E2F6: variants seen among roughly 807,000 people sequenced by gnomAD.
E2F6 encodes the protein transcription factor E2F6.
A neutral mutation model predicts 31.5 loss-of-function variants in E2F6; 19 were observed. The ratio of observed to expected loss-of-function variants is 0.60; its 90% CI spans 0.42 to 0.89. The LOEUF is 0.89. E2F6 is among the 40% of genes least tolerant of loss of function. The pLI, the probability that E2F6 is intolerant of heterozygous loss-of-function variation, is 0.00. For missense variants in E2F6, 269 were observed against 341.6 expected (o/e 0.79, Z 1.67); for synonymous variants, 121 against 127.7 (o/e 0.95, Z 0.36).
At chr2:11,448,452 T>C (rs1670859829) in intron 5 of E2F6, among the ~76,000 whole-genome samples, 1 of 152,188 alleles carries the variant, frequency 6.6e-6, no homozygotes, top group South Asian at 2.1e-4. Context: ...TTAATGCAGT[T>C]AGGCCTGGGC....
intron 2 of E2F6, 112 bp from the exon 3 acceptor site, chr2:11,453,910 AC>A: frequency 1.1e-6 from 1 of 903,234 alleles, no homozygotes; most frequent in Non-Finnish European, 1.7e-6. Flanking sequence ...AGAAATGCCT[AC>A]ACATTGACCA....
intron 3 of E2F6, among the ~76,000 whole-genome samples, chr2:11,452,429 C>G (rs1204739769): frequency 6.6e-6 from 1 of 151,924 alleles, no homozygotes; most frequent in Non-Finnish European, 1.5e-5. Flanking sequence ...CATGGTGAAA[C>G]CCCGTCTCTA....
chr2:11,455,952 G>C (rs1366398351), intron 2 of E2F6, among the ~76,000 whole-genome samples: 1 of 152,254 alleles, frequency 6.6e-6, no homozygotes, highest in East Asian at 1.9e-4. Flanking sequence ...GAGGGTGAGG[G>C]GCTGAAGTGA....
At chr2:11,453,376 A>G (rs1671193709) in intron 3 of E2F6, among the ~76,000 whole-genome samples, 1 of 152,180 alleles carries the variant, frequency 6.6e-6, no homozygotes, top group Non-Finnish European at 1.5e-5. Flanking sequence ...CCCAATATCA[A>G]TAATCAATTG....
chr2:11,447,997 T>C (rs957298074), intron 5 of E2F6, among the ~76,000 whole-genome samples: 1 of 152,188 alleles, frequency 6.6e-6, no homozygotes, highest in African/African-American at 2.4e-5. Flanking sequence ...CCTGTCTTTT[T>C]CTACTCAGGA....
chr2:11,450,599 T>C (rs1671000288), intron 4 of E2F6, among the ~76,000 whole-genome samples: 1 of 152,182 alleles, frequency 6.6e-6, no homozygotes, highest in South Asian at 2.1e-4. Context: ...ATAAACGACT[T>C]AGAGATTAAG....
intron 2 of E2F6, among the ~76,000 whole-genome samples, chr2:11,455,120 T>C (rs1671326912): frequency 6.6e-6 from 1 of 152,252 alleles, no homozygotes; most frequent in Non-Finnish European, 1.5e-5. Flanking sequence ...GTTCTATCCA[T>C]TCTATGCAGT....
rs193193608 is a variant in E2F6 at position 11,456,780 on chromosome 2, T to C, written c.163+399A>G. On this transcript the variant is annotated intron_variant, in intron 2 of 6. Coordinates refer to ENST00000381525, the MANE Select transcript of E2F6 (RefSeq NM_198256.4). ...TTCACACTGACTTATCGATGCACTA[T>C]GTATCCACTGAGATTAGGAAGCTGA... Among the ~76,000 whole-genome samples the C allele has an allele frequency of 2.6e-4, 39 of 152,302 alleles. 1 individual carries two copies. Among genetic ancestry groups the C allele is most frequent in the African/African-American group, 8.4e-4 (35 of 41,564 alleles).
chr2:11,459,709 C>T (rs1223205155), intron 1 of E2F6, among the ~76,000 whole-genome samples: 1 of 151,886 alleles, frequency 6.6e-6, no homozygotes, highest in Admixed American at 6.6e-5. Context: ...TAGTGAAATC[C>T]CCGTCTCTAC....
At position 11,444,535 on chromosome 2, in the gene E2F6, T is replaced by C. The variant is rs567427398; in HGVS notation, c.*1942A>G. Reference sequence around the variant, plus strand: ...GCTGCTCAGAAATGATGGTATTACCTTTGGTAAAACCTTTGTTGGTTTTTG... The same window carrying C: ...GCTGCTCAGAAATGATGGTATTACCCTTGGTAAAACCTTTGTTGGTTTTTG... On this transcript the variant is annotated 3_prime_UTR_variant, in exon 7 of 7. Transcript: ENST00000381525. 1.3e-5 allele frequency: 2 copies of C among 152,348 alleles called. No homozygotes were observed. The highest frequency in any genetic ancestry group is 3.9e-4 in the East Asian group (2 of 5,186). 9.4% of individuals were successfully genotyped at this position (152,348 alleles called of 1,614,324 possible).
intron 3 of E2F6, 124 bp from the exon 4 acceptor site, chr2:11,451,930 G>T: frequency 1.1e-6 from 1 of 910,100 alleles, no homozygotes; most frequent in Non-Finnish European, 1.7e-6. Flanking sequence ...TAGAAACTAG[G>T]GACTTTTAAC....
At chr2:11,455,651 A>G (rs1431470821) in intron 2 of E2F6, among the ~76,000 whole-genome samples, 2 of 152,214 alleles carry the variant, frequency 1.3e-5, no homozygotes, top group Non-Finnish European at 2.9e-5. Flanking sequence ...CAGGATAAGC[A>G]TATTTCTATG....
At chr2:11,446,596 A>C in intron 6 of E2F6, 73 bp from the exon 7 acceptor site, 2 of 1,255,246 alleles carry the variant, frequency 1.6e-6, no homozygotes, top group Non-Finnish European at 1.2e-6. Flanking sequence ...GCAAATACGT[A>C]AAAGAATACA....
intron 1 of E2F6, 75 bp from the exon 2 acceptor site, chr2:11,457,308 G>T: frequency 1.1e-6 from 1 of 915,220 alleles, no homozygotes; most frequent in Middle Eastern, 3.4e-4. Flanking sequence ...TTACTCAATA[G>T]TATAAAGGTC....
intron 3 of E2F6, among the ~76,000 whole-genome samples, chr2:11,452,781 G>C (rs575009620): frequency 4.6e-5 from 7 of 152,186 alleles, no homozygotes; most frequent in Non-Finnish European, 1.0e-4. Context: ...TCTAATTAGT[G>C]ATTCACAATG....
rs528935023 is a variant in E2F6 at position 11,455,424 on chromosome 2, A to T, written c.164-1626T>A. ...CCACTGGCGGTTACTTCAGGAACAA[A>T]GGTACATATTTCATAATATAAATGT... On this transcript the variant is annotated intron_variant, in intron 2 of 6. Coordinates refer to ENST00000381525, the MANE Select transcript of E2F6 (RefSeq NM_198256.4). The T allele has an allele frequency of 7.0e-6, 9 of 1,288,728 alleles. No individual in the cohort carries two copies. In the South Asian group the frequency reaches 8.9e-5, roughly 13 times the overall value. The allele number at this position is 1,288,728 out of a possible 1,614,324, so 79.8% of individuals were successfully genotyped here.
chr2:11,454,370 A>G (rs1205192704), intron 2 of E2F6, among the ~76,000 whole-genome samples: 2 of 140,048 alleles, frequency 1.4e-5, no homozygotes, highest in East Asian at 2.1e-4. Context: ...TTTTTTTTTG[A>G]GAGAGTCTCG....
At chr2:11,454,930 G>A (rs1436133126) in intron 2 of E2F6, among the ~76,000 whole-genome samples, 1 of 152,212 alleles carries the variant, frequency 6.6e-6, no homozygotes, top group Non-Finnish European at 1.5e-5. Context: ...ATGGCTGCAT[G>A]CTTAACTGTA....
intron 1 of E2F6, 25 bp downstream of exon 1, chr2:11,465,747 G>A (rs1448939403): frequency 9.6e-6 from 15 of 1,564,918 alleles, no homozygotes; most frequent in Non-Finnish European, 1.2e-5. Flanking sequence ...ACCACCGCCC[G>A]TCCCCGTCCC....
Sources: gnomAD v4.1 joint callset for allele counts (sites outside exome capture counted in the v4.1 genomes callset) on GRCh38, gnomAD v4.1.1 for gene constraint, MANE v1.5 for transcripts, NCBI Gene and HGNC (gene_info 2026-07-23, HGNC 2026-07-21) for gene names.